The following KIF5A variants were observed in gnomAD, a reference collection of about 807,000 sequenced individuals.
KIF5A encodes the protein kinesin heavy chain isoform 5A.
KIF5A carries 35 observed loss-of-function variants against 141.3 expected under a neutral mutation model. The ratio of observed to expected loss-of-function variants is 0.25; its 90% CI spans 0.19 to 0.33. The LOEUF (loss-of-function observed/expected upper bound fraction) is 0.33. Ranked by LOEUF, KIF5A falls within the 10% of genes least tolerant of loss-of-function variation. The pLI is 1.00. For missense variants in KIF5A, 861 were observed against 1,314.3 expected, an observed-to-expected ratio of 0.66 and a Z score of 5.33; for synonymous variants, 448 against 500.2, an observed-to-expected ratio of 0.90 and a Z score of 1.39.
Position 57,569,171 on chromosome 12 carries a change from T to C in KIF5A, c.820-85T>C, listed in dbSNP as rs188853183. 11 of 1,581,926 alleles carry C rather than the reference T, an allele frequency of 7.0e-6. No homozygotes were observed. In the African/African-American group the frequency reaches 1.3e-4, roughly 19 times the overall value. ...ATGCCCCAATTCATGGGTTGTCTGA[T>C]CCCGGGGTGGCACCACTATCCTTTC... On this transcript the variant is annotated intron_variant, in intron 9 of 28. Transcript: ENST00000455537.
chr12:57,578,383 G>A (rs368228178), intron 23 of KIF5A, 41 bp downstream of exon 23: 64 of 1,392,482 alleles, frequency 4.6e-5, no homozygotes, highest in Non-Finnish European at 6.2e-5. Flanking sequence ...TTTTGAGGCC[G>A]GGTAGCTAGC....
intron 6 of KIF5A, among the ~76,000 whole-genome samples, chr12:57,566,414 T>A (rs893927444): frequency 2.0e-5 from 3 of 148,254 alleles, no homozygotes; most frequent in African/African-American, 7.4e-5. Context: ...GCGACAGTGT[T>A]TTTTTTTTTT....
At position 57,576,397 on chromosome 12, in the gene KIF5A, G is replaced by A. The variant is rs932182752; in HGVS notation, c.2198+19G>A. 11 of 1,589,182 alleles carry A rather than the reference G, an allele frequency of 6.9e-6. No individual in the cohort carries two copies. The highest frequency in any genetic ancestry group is 2.7e-5 in the African/African-American group (2 of 74,474). On this transcript the variant is annotated intron_variant, in intron 19 of 28. Coordinates refer to ENST00000455537, the MANE Select transcript of KIF5A (RefSeq NM_004984.4). The stretch of plus-strand genomic sequence containing the variant: ...TCAAAGAGTAAGGGTTCCCAAGGGC[G>A]ACTCCAGCCCCTCCCGGGTCCTGTC...
chr12:57,562,662 A>G (rs1031477914), intron 1 of KIF5A, among the ~76,000 whole-genome samples: 4 of 152,342 alleles, frequency 2.6e-5, no homozygotes, highest in Middle Eastern at 3.4e-3. Context: ...TTTACATGGT[A>G]GGGAACATGC....
intron 4 of KIF5A, 79 bp from the exon 5 acceptor site, chr12:57,564,381 G>T: frequency 8.6e-7 from 1 of 1,165,810 alleles, no homozygotes; most frequent in South Asian, 1.2e-5. Context: ...GTTTGAGCAG[G>T]TCACATTAGT....
chr12:57,565,034 GAGCAT>G, intron 6 of KIF5A, 61 bp downstream of exon 6: 1 of 1,484,858 alleles, frequency 6.7e-7, no homozygotes, highest in South Asian at 1.1e-5. Flanking sequence ...GGTGGGGGAG[GAGCAT>G]AGGTCAGTGA....
At chr12:57,558,224 G>A (rs1326973486) in intron 1 of KIF5A, among the ~76,000 whole-genome samples, 1 of 152,040 alleles carries the variant, frequency 6.6e-6, no homozygotes, top group Admixed American at 6.6e-5. Flanking sequence ...GACCAACATG[G>A]TGAAACCCCA....
chr12:57,571,762 T>C (rs1033674140), intron 13 of KIF5A, among the ~76,000 whole-genome samples: 1 of 152,068 alleles, frequency 6.6e-6, no homozygotes, highest in Admixed American at 6.6e-5. Flanking sequence ...TTTTGCCATG[T>C]TACCCAGGCT....
rs775248 is a variant in KIF5A, at chr12:57,582,127, C to G, written c.2992+175C>G. 0.25 allele frequency among the ~76,000 whole-genome samples: 38,183 copies of G among 151,866 alleles called. 4,916 individuals carry two copies. Among genetic ancestry groups the G allele is most frequent in the Non-Finnish European group, 0.28 (19,028 of 67,942 alleles). On this transcript the variant is annotated intron_variant, in intron 26 of 28. Coordinates refer to ENST00000455537, the MANE Select transcript of KIF5A (RefSeq NM_004984.4). ...GGTGTGGTGGCATGCACCTGTAGTC[C>G]TAGCTACTTGGGAGGTTGAGATAGG...
chr12:57,582,940 C>T, intron 27 of KIF5A, 161 bp from the exon 28 acceptor site: 1 of 704,570 alleles, frequency 1.4e-6, no homozygotes, highest in South Asian at 1.6e-5. Context: ...TTGGACAAGT[C>T]ATTTACATCC....
chr12:57,576,176 A>C (rs768405910), intron 18 of KIF5A, 25 bp downstream of exon 18: 4 of 1,612,626 alleles, frequency 2.5e-6, no homozygotes, highest in Middle Eastern at 1.6e-4. Flanking sequence ...TGTCAGGGAC[A>C]ATTGGGGCCT....
chr12:57,583,454 A>G (rs1882668977), intron 28 of KIF5A, among the ~76,000 whole-genome samples: 1 of 152,164 alleles, frequency 6.6e-6, no homozygotes, highest in South Asian at 2.1e-4. Context: ...TGGTAACCAC[A>G]GTACTGTCTT....
At chr12:57,554,393 T>A (rs1051702524) in intron 1 of KIF5A, among the ~76,000 whole-genome samples, 2 of 152,240 alleles carry the variant, frequency 1.3e-5, no homozygotes, top group Non-Finnish European at 2.9e-5. Flanking sequence ...AAACCCTCAA[T>A]AAGAGTTAGA....
At chr12:57,569,232 T>G (rs778672472) in intron 9 of KIF5A, 24 bp from the exon 10 acceptor site, 47 of 1,613,552 alleles carry the variant, frequency 2.9e-5, no homozygotes, top group Non-Finnish European at 3.1e-5. Flanking sequence ...TTATTTCTGA[T>G]TCCTGGTCTC....
In KIF5A at chr12:57,585,715, A is replaced by G. The variant is rs1326516870; in HGVS notation, c.*1534A>G. The stretch of plus-strand genomic sequence containing the variant: ...TGGTAAGCGCAGGCTGCACTGGCCC[A>G]TGACTCCTTCAAGGAAAAGAGGCCC... On this transcript the variant is annotated 3_prime_UTR_variant, in exon 29 of 29. Transcript: ENST00000455537. 6.6e-6 allele frequency: 1 copy of G among 152,282 alleles called. No homozygotes were observed. Among genetic ancestry groups the G allele is most frequent in the Non-Finnish European group, 1.5e-5 (1 of 68,096 alleles). The allele number at this position is 152,282 out of a possible 1,614,324, so 9.4% of individuals were successfully genotyped here.
intron 1 of KIF5A, among the ~76,000 whole-genome samples, chr12:57,554,899 C>T (rs534519329): frequency 5.3e-5 from 8 of 152,336 alleles, no homozygotes; most frequent in African/African-American, 1.4e-4. Context: ...CAGGGATTTA[C>T]CTCCTTGAGC....
At chr12:57,569,965 A>G in intron 11 of KIF5A, 22 bp from the exon 12 acceptor site, 1 of 1,610,770 alleles carries the variant, frequency 6.2e-7, no homozygotes, top group Non-Finnish European at 8.5e-7. Context: ...TCCATCTCTC[A>G]CCTCGTCTTG....
chr12:57,568,848 T>TC (rs1172226496), intron 8 of KIF5A, 115 bp from the exon 9 acceptor site: 1 of 731,152 alleles, frequency 1.4e-6, no homozygotes, highest in African/African-American at 1.7e-5. Context: ...TCTCTGTTAC[T>TC]CCATCTTCTT....
At position 57,581,126 on chromosome 12, in the gene KIF5A, C is replaced by T. The variant is rs765374123; in HGVS notation, c.2709C>T (p.Ala903=). ...YQQEVDRIKE[A]VRYKSSGKRG... is the part of the protein sequence containing the mutation. Reference sequence around the variant, plus strand: ...AGGAGGTGGACCGCATCAAGGAGGCCGTTCGCTACAAGAGCTCGGGCAAAC... The same window carrying T: ...AGGAGGTGGACCGCATCAAGGAGGCTGTTCGCTACAAGAGCTCGGGCAAAC... The change falls in exon 24 of 29, where the codon GCC becomes GCT. Residue 903 remains alanine (A), a synonymous_variant. Transcript: ENST00000455537. 30 of 1,613,984 alleles carry T rather than the reference C, an allele frequency of 1.9e-5. No homozygotes were observed. Among genetic ancestry groups the T allele is most frequent in the South Asian group, 1.5e-4 (14 of 91,070 alleles).
Sources: allele counts gnomAD v4.1 joint callset (sites outside exome capture counted in the v4.1 genomes callset), GRCh38; gene constraint gnomAD v4.1.1; transcripts MANE v1.5; gene names NCBI Gene and HGNC (gene_info 2026-07-23, HGNC 2026-07-21).